TPR: variants seen among roughly 807,000 people sequenced by gnomAD.
TPR encodes nucleoprotein TPR.
TPR carries 51 observed loss-of-function variants against 316.1 expected under a neutral mutation model. The ratio of observed to expected loss-of-function variants is 0.16; its 90% confidence interval spans 0.13 to 0.20. The LOEUF is 0.20. Ranked by LOEUF, TPR falls within the 10% of genes least tolerant of loss-of-function variation. The probability of loss-of-function intolerance (pLI) is 1.00; values close to 1 mark genes in which losing one functional copy is unlikely to be tolerated. For missense variants in TPR, 2,272 were observed against 2,754.8 expected, an observed-to-expected ratio of 0.82 and a Z score of 3.92; for synonymous variants, 981 against 914.7, an observed-to-expected ratio of 1.07 and a Z score of -1.31.
In TPR at chr1:186,349,676, AT is replaced by A. The variant is rs1230984395; in HGVS notation, c.2776+546del. Among the ~76,000 whole-genome samples the A allele has an allele frequency of 6.8e-3, 1,031 of 150,810 alleles. 11 individuals are homozygous for A. Among genetic ancestry groups the A allele is most frequent in the African/African-American group, 0.022 (926 of 41,190 alleles). On this transcript the variant is annotated intron_variant, in intron 21 of 50. Coordinates refer to ENST00000367478, the MANE Select transcript of TPR (RefSeq NM_003292.3). ...CTCTCTCTCAAAAAAAAAAAAAAAAATAAATAAATAAATAAAACCATATAGA... is the reference window on the plus strand; with the variant it reads ...CTCTCTCTCAAAAAAAAAAAAAAAAAAAATAAATAAATAAAACCATATAGA...
At chr1:186,370,887 C>T in intron 3 of TPR, 83 bp downstream of exon 3, 1 of 1,206,032 alleles carries the variant, frequency 8.3e-7, no homozygotes, top group Non-Finnish European at 1.2e-6. Flanking sequence ...TTCCCATTGA[C>T]TAATAACTGA....
At position 186,353,138 on chromosome 1, in the gene TPR, T is replaced by G. The variant is rs147888461; in HGVS notation, c.2334+550A>C. 6.5e-3 allele frequency among the ~76,000 whole-genome samples: 986 copies of G among 152,254 alleles called. 7 individuals carry two copies. The highest frequency in any genetic ancestry group is 0.021 in the African/African-American group (891 of 41,558). ...CTGTAATCCCAGCACTTTGGGAGGCTAAGGCGGGCAAATCACGAGGTCAGT... is the reference window on the plus strand; with the variant it reads ...CTGTAATCCCAGCACTTTGGGAGGCGAAGGCGGGCAAATCACGAGGTCAGT... On this transcript the variant is annotated intron_variant, in intron 18 of 50. Coordinates refer to ENST00000367478, the MANE Select transcript of TPR (RefSeq NM_003292.3).
At chr1:186,373,041 C>A (rs952796123) in intron 2 of TPR, among the ~76,000 whole-genome samples, 1 of 152,140 alleles carries the variant, frequency 6.6e-6, no homozygotes, top group Admixed American at 6.5e-5. Flanking sequence ...ATTTGATTTA[C>A]AAAGCTGTCT....
At position 186,323,735 on chromosome 1, in the gene TPR, G is replaced by A. The variant is rs1375979206; in HGVS notation, c.6248C>T (p.Pro2083Leu). ...SPRRPPHPLP[P>L]RLTIHAPPQE... ...AGGTGGGGCATGAATGGTCAGTCTT[G>A]GGGGAAGTGGATGTGGTGGGCGTCT... Residue 2083 changes from proline (P) to leucine (L), a missense_variant, in exon 43 of 51, where the codon CCA becomes CTA. Coordinates refer to ENST00000367478, the MANE Select transcript of TPR (RefSeq NM_003292.3). The A allele has an allele frequency of 1.3e-6, 2 of 1,537,026 alleles. No individual in the cohort carries two copies. The highest frequency in any genetic ancestry group is 1.5e-5 in the African/African-American group (1 of 68,912).
chr1:186,362,245 C>T (rs778018484), intron 7 of TPR, 43 bp downstream of exon 7: 5 of 1,504,282 alleles, frequency 3.3e-6, no homozygotes, highest in East Asian at 4.5e-5. Flanking sequence ...TTCGTAAGTG[C>T]TTTAGTATTT....
rs772537868 is a variant in TPR at position 186,322,529 on chromosome 1, T to G, written c.6355A>C (p.Ile2119Leu). ...VGRGLQLTPG[I>L]GGMQQHFFDD... ...GGGTAAGTACTTACCATGCCACCTA[T>G]TCCTGGAGTCAACTGAAGGCCACGT... is the stretch of plus-strand genomic sequence containing the variant. The change falls in exon 44 of 51, where the codon ATA becomes CTA. Residue 2119 changes from isoleucine (I) to leucine (L), a missense_variant. By Grantham distance (5) the Ile-to-Leu change is conservative (BLOSUM62 2). Around this residue, in one of 10 missense-constraint regions of TPR, gnomAD observed 88 missense variants for 176.2 expected, o/e 0.50. Transcript: ENST00000367478. 34 of 1,613,984 alleles carry G rather than the reference T, an allele frequency of 2.1e-5. No homozygotes were observed. In the South Asian group the frequency reaches 3.4e-4, roughly 16 times the overall value.
Position 186,333,328 on chromosome 1 carries a change from G to C in TPR, c.5249C>G (p.Ser1750Cys). 1 of 1,613,646 alleles carries C rather than the reference G, an allele frequency of 6.2e-7. No homozygotes were observed. The highest frequency in any genetic ancestry group is 8.5e-7 in the Non-Finnish European group (1 of 1,179,710). The change falls in exon 37 of 51, where the codon TCT becomes TGT. Residue 1750 changes from serine to cysteine, a missense_variant. Ser to Cys is a moderately radical substitution (Grantham distance 112). Transcript: ENST00000367478. ...VFGSTSGSVRSTSPNVQPSIS... is the reference protein window; with the variant it reads ...VFGSTSGSVRCTSPNVQPSIS... Reference sequence around the variant, plus strand: ...AGAAGGCTGGACATTAGGACTAGTAGAACGAACGGATCCACTTGTGCTTCC... The same window carrying C: ...AGAAGGCTGGACATTAGGACTAGTACAACGAACGGATCCACTTGTGCTTCC...
At chr1:186,341,568 T>A in intron 27 of TPR, 179 bp from the exon 28 acceptor site, 1 of 552,230 alleles carries the variant, frequency 1.8e-6, no homozygotes, top group Non-Finnish European at 3.1e-6. Context: ...CTGCAGACTT[T>A]AAACAAATAC....
intron 13 of TPR, among the ~76,000 whole-genome samples, chr1:186,358,229 C>A (rs560434093): frequency 1.3e-5 from 2 of 152,250 alleles, no homozygotes; most frequent in South Asian, 4.1e-4. Flanking sequence ...AAATACACAA[C>A]TGTCTGTTAA....
intron 20 of TPR, 52 bp from the exon 21 acceptor site, chr1:186,350,440 G>A (rs754021700): frequency 4.6e-5 from 61 of 1,338,168 alleles, no homozygotes; most frequent in Admixed American, 8.2e-5. Flanking sequence ...AGTAACTAAA[G>A]GTTCAAACTA....
intron 35 of TPR, 136 bp from the exon 36 acceptor site, chr1:186,334,669 A>G (rs753418690): frequency 3.2e-6 from 3 of 948,936 alleles, no homozygotes; most frequent in Non-Finnish European, 4.6e-6. Context: ...TTTGAATTTA[A>G]GCATTAAAAA....
chr1:186,341,508 G>A, intron 27 of TPR, 119 bp from the exon 28 acceptor site: 2 of 1,155,574 alleles, frequency 1.7e-6, no homozygotes, highest in Non-Finnish European at 2.3e-6. Flanking sequence ...TCAACTTTTA[G>A]AACTAAAATT....
At chr1:186,363,229 A>G in intron 5 of TPR, 113 bp downstream of exon 5, 1 of 1,066,894 alleles carries the variant, frequency 9.4e-7, no homozygotes, top group Non-Finnish European at 1.4e-6. Context: ...CTGACATTAA[A>G]AACAAAACAA....
chr1:186,368,454 G>GA (rs975001733), intron 3 of TPR, among the ~76,000 whole-genome samples: 3 of 151,982 alleles, frequency 2.0e-5, no homozygotes, highest in African/African-American at 4.8e-5. Flanking sequence ...TCTACAAGTA[G>GA]AAAAAAACAG....
chr1:186,365,190 GGT>G (rs1244418080), intron 4 of TPR, among the ~76,000 whole-genome samples: 11 of 148,476 alleles, frequency 7.4e-5, no homozygotes, highest in Non-Finnish European at 1.3e-4. Context: ...CTGCCTCCCT[GGT>G]TCATGTGATT....
At chr1:186,320,504 G>C in intron 45 of TPR, 86 bp from the exon 46 acceptor site, 1 of 1,082,120 alleles carries the variant, frequency 9.2e-7, no homozygotes, top group Non-Finnish European at 1.3e-6. Context: ...GAAGAAGGAA[G>C]AATGAACATC....
chr1:186,317,542 C>G lies in TPR; in HGVS notation c.6880G>C (p.Ala2294Pro), dbSNP rs762462984. ...DSQQEEEPVQ[A>P]SDESDLPSTS... ...GAGGGGAGATCTGACTCATCAGATG[C>G]TTGAACCGGCTCTTCTTCCTGCTGG... Residue 2294 changes from alanine (A) to proline (P), a missense_variant, in exon 49 of 51, where the codon GCA becomes CCA. Physicochemically the swap from Ala to Pro is conservative, Grantham distance 27. This residue lies in a region of TPR where 123 missense variants were observed against 142.3 expected (regional missense o/e 0.86). Transcript: ENST00000367478. 2 of 1,614,116 alleles carry G rather than the reference C, an allele frequency of 1.2e-6. No homozygotes were observed. The highest frequency in any genetic ancestry group is 3.3e-5 in the Admixed American group (2 of 60,022).
At position 186,355,436 on chromosome 1, in the gene TPR, A is replaced by G. The variant is rs1658998968; in HGVS notation, c.2145T>C (p.Ser715=). The change falls in exon 17 of 51, where the codon TCT becomes TCC. Residue 715 remains serine (S), a synonymous_variant. Coordinates refer to ENST00000367478, the MANE Select transcript of TPR (RefSeq NM_003292.3). ...GTTTAGAAGCAAAATCTAGCTGGGT[A>G]GAAATTTTGGTATTTTGTGATCGCA... ...TDLRSQNTKI[S]TQLDFASKRY... The G allele has an allele frequency of 6.2e-7, 1 of 1,611,612 alleles. No homozygotes were observed. The highest frequency in any genetic ancestry group is 8.5e-7 in the Non-Finnish European group (1 of 1,179,576).
rs768096245 is a variant in TPR at position 186,325,803 on chromosome 1, C to A, written c.6073G>T (p.Gly2025Cys). ...TCAGCAGCTCTGTGATTACCTTCAC[C>A]TCCACCCATACTTTCTTCTGTTTCT... ...GTETEESMGG[G>C]EGNHRAADSQ... The change falls in exon 42 of 51, where the codon GGT becomes TGT. Residue 2025 changes from glycine (G) to cysteine (C), a missense_variant. Physicochemically the swap from Gly to Cys is radical, Grantham distance 159 (BLOSUM62 -3). This residue lies in a region of TPR where 435 missense variants were observed against 461.1 expected (regional missense o/e 0.94). Transcript: ENST00000367478. The A allele has an allele frequency of 1.9e-6, 3 of 1,613,600 alleles. No homozygotes were observed. The highest frequency in any genetic ancestry group is 1.7e-5 in the Admixed American group (1 of 59,972).
Sources: gnomAD v4.1 joint callset for allele counts (sites outside exome capture counted in the v4.1 genomes callset) on GRCh38, gnomAD v4.1.1 for gene constraint, gnomAD v4.1.1 regional missense constraint, MANE v1.5 for transcripts, NCBI Gene and HGNC (gene_info 2026-07-23, HGNC 2026-07-21) for gene names.